RBFOX1: variants seen among roughly 807,000 people sequenced by gnomAD.
RBFOX1 encodes the protein RNA binding fox-1 homolog 1, also known as RNA binding protein fox-1 homolog 1.
A neutral mutation model predicts 57.7 loss-of-function variants in RBFOX1; 8 were observed. The ratio of observed to expected loss-of-function variants is 0.14; its 90% CI spans 0.08 to 0.25. The LOEUF is 0.25. Ranked by LOEUF, RBFOX1 falls within the 10% of genes least tolerant of loss-of-function variation. RBFOX1 has a pLI of 1.00. For synonymous variants in RBFOX1, 326 were observed against 222.4 expected, an observed-to-expected ratio of 1.47 and a Z score of -4.15; for missense variants, 611 against 548.5, an observed-to-expected ratio of 1.11 and a Z score of -1.14.
chr16:6,662,555 T>G (rs1302657596), intron 3 of RBFOX1, among the ~76,000 whole-genome samples: 1 of 152,172 alleles, frequency 6.6e-6, no homozygotes, highest in Non-Finnish European at 1.5e-5. Flanking sequence ...AGGCAGTTCA[T>G]GGATATGGTA....
intron 3 of RBFOX1, among the ~76,000 whole-genome samples, chr16:6,764,716 C>G (rs892886655): frequency 6.6e-6 from 1 of 152,082 alleles, no homozygotes; most frequent in Admixed American, 6.6e-5. Context: ...GCGGGTAGGT[C>G]ACTTGAGGTC....
At chr16:5,687,347 A>C (rs1042282012) in intron 3 of RBFOX1, among the ~76,000 whole-genome samples, 1 of 152,020 alleles carries the variant, frequency 6.6e-6, no homozygotes, top group Non-Finnish European at 1.5e-5. Context: ...TCGCCTGCTT[A>C]CCACTCCCTC....
At chr16:6,930,199 A>C (rs1341374602) in intron 3 of RBFOX1, among the ~76,000 whole-genome samples, 3 of 152,204 alleles carry the variant, frequency 2.0e-5, no homozygotes, top group African/African-American at 7.2e-5. Context: ...TAATATTGAG[A>C]ATATATTGAG....
chr16:6,225,134 A>G lies in RBFOX1; in HGVS notation c.-126-91861A>G, dbSNP rs182278168. Among the ~76,000 whole-genome samples, 23 of 152,134 alleles carry G rather than the reference A, an allele frequency of 1.5e-4. No homozygotes were observed. The East Asian group carries it at 4.3e-3, about 28-fold the overall frequency. ...TGATGGACTACAAGAGAGGTAGAGA[A>G]CAGTGGAAGAGTTTGAAGGTGATCT... On this transcript the variant is annotated intron_variant, in intron 1 of 15. Transcript: ENST00000550418.
At chr16:7,202,808 C>A (rs768222093) in intron 4 of RBFOX1, among the ~76,000 whole-genome samples, 4 of 152,186 alleles carry the variant, frequency 2.6e-5, no homozygotes, top group Non-Finnish European at 5.9e-5. Context: ...AACAGCCCCC[C>A]ACCCTGGCCA....
At chr16:6,706,027 A>G (rs1168744434) in intron 3 of RBFOX1, among the ~76,000 whole-genome samples, 2 of 152,130 alleles carry the variant, frequency 1.3e-5, no homozygotes, top group Non-Finnish European at 1.5e-5. Context: ...TAAAATATAT[A>G]CATATATAGA....
chr16:6,061,687 G>C (rs924071772), intron 1 of RBFOX1, among the ~76,000 whole-genome samples: 60 of 151,890 alleles, frequency 4.0e-4, no homozygotes, highest in African/African-American at 1.4e-3. Flanking sequence ...TATGTACATA[G>C]ATTTAAGATA....
intron 10 of RBFOX1, among the ~76,000 whole-genome samples, chr16:7,622,939 T>G (rs7204556): frequency 0.25 from 38,616 of 151,904 alleles, 6,508 homozygotes; most frequent in African/African-American, 0.48. Flanking sequence ...ATGCTAGTCT[T>G]GCGTTCAAAA....
chr16:7,447,275 A>G (rs2098816153), intron 4 of RBFOX1, among the ~76,000 whole-genome samples: 1 of 151,920 alleles, frequency 6.6e-6, no homozygotes, highest in African/African-American at 2.4e-5. Context: ...TCTACTAAAA[A>G]TACAAAAATT....
intron 4 of RBFOX1, among the ~76,000 whole-genome samples, chr16:7,276,395 C>A (rs966295005): frequency 6.6e-6 from 1 of 152,078 alleles, no homozygotes; most frequent in South Asian, 2.1e-4. Flanking sequence ...AAGGCTAGAC[C>A]CTGAAGAGCC....
chr16:5,406,266 G>A (rs1350334899), intron 1 of RBFOX1, among the ~76,000 whole-genome samples: 2 of 152,138 alleles, frequency 1.3e-5, no homozygotes, highest in African/African-American at 4.8e-5. Context: ...ATTGGTGGAT[G>A]AGTACAGCAG....
intron 3 of RBFOX1, among the ~76,000 whole-genome samples, chr16:6,899,136 T>C (rs566066559): frequency 0.012 from 1,880 of 151,780 alleles, 21 homozygotes; most frequent in Non-Finnish European, 0.02. Flanking sequence ...TGTGTATATG[T>C]GTGTATGGAC....
chr16:6,917,877 C>G (rs1016366624), intron 3 of RBFOX1, among the ~76,000 whole-genome samples: 10 of 152,134 alleles, frequency 6.6e-5, no homozygotes, highest in African/African-American at 2.4e-4. Context: ...TACCAAGAAA[C>G]TGACACAAGT....
At chr16:7,590,915 T>C (rs953573043) in intron 7 of RBFOX1, among the ~76,000 whole-genome samples, 9 of 148,076 alleles carry the variant, frequency 6.1e-5, no homozygotes, top group African/African-American at 2.2e-4. Flanking sequence ...TCAGTAGATA[T>C]CAGTAAGTAT....
At chr16:7,394,551 C>G (rs780283130) in intron 4 of RBFOX1, among the ~76,000 whole-genome samples, 4 of 152,100 alleles carry the variant, frequency 2.6e-5, no homozygotes, top group African/African-American at 4.8e-5. Flanking sequence ...CATCTTCTTG[C>G]GTTTCCATTT....
chr16:7,287,140 G>C (rs2095665953), intron 4 of RBFOX1, among the ~76,000 whole-genome samples: 1 of 152,206 alleles, frequency 6.6e-6, no homozygotes, highest in South Asian at 2.1e-4. Context: ...AGTTAGCACA[G>C]TACTTAATAG....
At chr16:6,677,529 AG>A (rs2057942202) in intron 3 of RBFOX1, among the ~76,000 whole-genome samples, 1 of 152,190 alleles carries the variant, frequency 6.6e-6, no homozygotes, top group Non-Finnish European at 1.5e-5. Flanking sequence ...CAAAAACATC[AG>A]GGAGCTAGGA....
rs151177772 is a variant in RBFOX1 at position 6,824,983 on chromosome 16, G to GTTTTTTTTTTTTTTT, written c.-16+170350_-16+170364dup. Among the ~76,000 whole-genome samples the GTTTTTTTTTTTTTTT allele has an allele frequency of 3.4e-3, 126 of 36,910 alleles. 29 individuals are homozygous for GTTTTTTTTTTTTTTT. The highest frequency in any genetic ancestry group is 6.3e-3 in the Non-Finnish European group (106 of 16,928). 24.2% of individuals were successfully genotyped at this position (36,910 alleles called of 152,430 possible). A position where few individuals can be genotyped will look rare whatever the true frequency, so the allele number is the denominator to read the frequency against. ...GGATTTCTTTTTTCTTTCTTTCTTG[G>GTTTTTTTTTTTTTTT]TTTTTTTTTTTTTTTTTTTTTTTTT... is the stretch of plus-strand genomic sequence containing the variant. On this transcript the variant is annotated intron_variant, in intron 3 of 15. Transcript: ENST00000550418.
intron 4 of RBFOX1, among the ~76,000 whole-genome samples, chr16:7,289,330 G>T (rs1233452575): frequency 6.6e-6 from 1 of 151,316 alleles, no homozygotes; most frequent in African/African-American, 2.4e-5. Flanking sequence ...TCCCACAAAG[G>T]TCAATGTACA....
Sources: gnomAD v4.1 joint callset for allele counts (sites outside exome capture counted in the v4.1 genomes callset) on GRCh38, gnomAD v4.1.1 for gene constraint, MANE v1.5 for transcripts, NCBI Gene and HGNC (gene_info 2026-07-23, HGNC 2026-07-21) for gene names.